The following DDX10 variants were observed in gnomAD, a reference collection of about 807,000 sequenced individuals.
DDX10 encodes the protein probable ATP-dependent RNA helicase DDX10.
Under a neutral mutation model 104.3 loss-of-function variants are expected in DDX10, and 74 were observed. That is an observed-to-expected ratio of 0.71 (90% CI 0.59 to 0.86). The LOEUF (loss-of-function observed/expected upper bound fraction) is 0.86, where lower values mean the gene tolerates loss of function less well. DDX10 is among the 40% of genes least tolerant of loss of function. The pLI, the probability that DDX10 is intolerant of heterozygous loss-of-function variation, is 0.00. For synonymous variants in DDX10, 351 were observed against 353.4 expected, an observed-to-expected ratio of 0.99 and a Z score of 0.08; for missense variants, 952 against 1,040.0, an observed-to-expected ratio of 0.92 and a Z score of 1.16.
At chr11:108,695,753 T>TTTAAGTG (rs1417326445) in intron 9 of DDX10, among the ~76,000 whole-genome samples, 2 of 149,252 alleles carry the variant, frequency 1.3e-5, no homozygotes, top group Non-Finnish European at 3.0e-5. Context: ...TGTATGAGTG[T>TTTAAGTG]TTAAGTGTTT....
intron 9 of DDX10, among the ~76,000 whole-genome samples, chr11:108,698,468 A>C (rs1176632651): frequency 6.6e-6 from 1 of 152,198 alleles, no homozygotes; most frequent in African/African-American, 2.4e-5. Flanking sequence ...TATGATTTAA[A>C]GGTTGCATAA....
At chr11:108,818,590 A>G (rs1862285162) in intron 13 of DDX10, among the ~76,000 whole-genome samples, 1 of 152,200 alleles carries the variant, frequency 6.6e-6, no homozygotes, top group African/African-American at 2.4e-5. Flanking sequence ...GTTGAAGAAA[A>G]TCTTTTATTA....
At position 108,925,398 on chromosome 11, in the gene DDX10, G is replaced by A. The variant is rs150808614; in HGVS notation, c.2450+7380G>A. On this transcript the variant is annotated intron_variant, in intron 17 of 17. Transcript: ENST00000322536. ...TGTGAGCCTGTCATTTTTCAGAAGC[G>A]CCAGGATCTCTAAGAAGGGTGAATA... Among the ~76,000 whole-genome samples the A allele has an allele frequency of 8.2e-3, 1,250 of 152,188 alleles. 15 individuals are homozygous for A. Among genetic ancestry groups the A allele is most frequent in the South Asian group, 0.012 (58 of 4,822 alleles).
chr11:108,896,875 A>G (rs949445867), intron 16 of DDX10, among the ~76,000 whole-genome samples: 2 of 152,132 alleles, frequency 1.3e-5, no homozygotes, highest in Non-Finnish European at 2.9e-5. Flanking sequence ...GGGGGAAAAA[A>G]AATCCCTGTA....
chr11:108,811,760 G>A (rs1157579917), intron 13 of DDX10, among the ~76,000 whole-genome samples: 2 of 151,852 alleles, frequency 1.3e-5, no homozygotes, highest in African/African-American at 2.4e-5. Flanking sequence ...GTCATTAACT[G>A]CCTACCAGTT....
intron 14 of DDX10, among the ~76,000 whole-genome samples, 154 bp downstream of exon 14, chr11:108,838,719 C>G (rs1440776076): frequency 6.6e-6 from 1 of 152,170 alleles, no homozygotes; most frequent in Non-Finnish European, 1.5e-5. Context: ...TGTACATCAG[C>G]TCTACTGCTG....
At chr11:108,858,686 C>A (rs368450088) in intron 16 of DDX10, among the ~76,000 whole-genome samples, 1 of 152,166 alleles carries the variant, frequency 6.6e-6, no homozygotes, top group Non-Finnish European at 1.5e-5. Context: ...GAATCCTTCA[C>A]GCATGCCTTA....
At chr11:108,711,520 G>A (rs572632010) in intron 10 of DDX10, among the ~76,000 whole-genome samples, 9 of 152,028 alleles carry the variant, frequency 5.9e-5, no homozygotes, top group South Asian at 2.1e-4. Context: ...TTTAGTAGAC[G>A]TGGGGTTTCG....
chr11:108,831,139 C>T (rs929439902), intron 13 of DDX10, among the ~76,000 whole-genome samples: 5 of 152,152 alleles, frequency 3.3e-5, no homozygotes, highest in African/African-American at 1.2e-4. Flanking sequence ...GGCATGGTGG[C>T]TTACGCCTGT....
chr11:108,735,792 G>C (rs1013696287), intron 13 of DDX10, among the ~76,000 whole-genome samples: 1 of 152,070 alleles, frequency 6.6e-6, no homozygotes, highest in African/African-American at 2.4e-5. Context: ...CTGAGAGCTA[G>C]GCACTCTAGG....
Position 108,701,675 on chromosome 11 carries a change from C to CTTTTTTTTTTTTT in DDX10, c.1224-5051_1224-5039dup, listed in dbSNP as rs55916940. 2.4e-3 allele frequency among the ~76,000 whole-genome samples: 186 copies of CTTTTTTTTTTTTT among 77,424 alleles called. 1 individual carries two copies. The highest frequency in any genetic ancestry group is 0.015 in the Middle Eastern group (1 of 68). The allele number at this position is 77,424 out of a possible 152,430, so 50.8% of individuals were successfully genotyped here. On this transcript the variant is annotated intron_variant, in intron 9 of 17. Transcript: ENST00000322536. ...GGTGTTTTTTCTTTCTTCTTCTTCTCTTTTTTTTTTTTTTTTTTTTTTTTT... is the reference window on the plus strand; with the variant it reads ...GGTGTTTTTTCTTTCTTCTTCTTCTCTTTTTTTTTTTTTTTTTTTTTTTTTTTTTTTTTTTTTT...
At chr11:108,750,520 C>T (rs2094337170) in intron 13 of DDX10, among the ~76,000 whole-genome samples, 2 of 152,078 alleles carry the variant, frequency 1.3e-5, no homozygotes, top group South Asian at 4.1e-4. Flanking sequence ...CACCCTCTTC[C>T]TCTTGTCACA....
At chr11:108,812,679 A>G (rs1461732791) in intron 13 of DDX10, among the ~76,000 whole-genome samples, 2 of 152,140 alleles carry the variant, frequency 1.3e-5, no homozygotes, top group Non-Finnish European at 2.9e-5. Context: ...AATAATAAAA[A>G]AGCCATAAAA....
intron 16 of DDX10, among the ~76,000 whole-genome samples, chr11:108,891,903 A>G (rs1364469098): frequency 6.6e-6 from 1 of 152,138 alleles, no homozygotes; most frequent in African/African-American, 2.4e-5. Context: ...TAAAATTAGC[A>G]AAGATGAGTT....
chr11:108,791,652 A>C (rs1216279542), intron 13 of DDX10, among the ~76,000 whole-genome samples: 1 of 152,166 alleles, frequency 6.6e-6, no homozygotes, highest in Non-Finnish European at 1.5e-5. Flanking sequence ...ACTGACAGAA[A>C]GCTAATGTGC....
intron 13 of DDX10, among the ~76,000 whole-genome samples, chr11:108,754,380 T>C (rs2134508374): frequency 6.6e-6 from 1 of 152,194 alleles, no homozygotes; most frequent in Non-Finnish European, 1.5e-5. Context: ...ATGTTGATAG[T>C]GTCAAGTTTA....
intron 13 of DDX10, among the ~76,000 whole-genome samples, chr11:108,800,942 GTTGT>G (rs1862012229): frequency 6.6e-6 from 1 of 152,160 alleles, no homozygotes; most frequent in Admixed American, 6.5e-5. Flanking sequence ...CATATTGGTT[GTTGT>G]TTATTATCTG....
chr11:108,831,051 G>T (rs1479035502), intron 13 of DDX10, among the ~76,000 whole-genome samples: 8 of 152,100 alleles, frequency 5.3e-5, no homozygotes, highest in Non-Finnish European at 1.2e-4. Context: ...TTAGCCAATA[G>T]AAATGTGTAT....
At chr11:108,823,845 A>G (rs1565289810) in intron 13 of DDX10, among the ~76,000 whole-genome samples, 1 of 152,346 alleles carries the variant, frequency 6.6e-6, no homozygotes, top group South Asian at 2.1e-4. Flanking sequence ...CAAATGTACA[A>G]TGAAACATCT....
Sources: gnomAD v4.1 joint callset for allele counts (sites outside exome capture counted in the v4.1 genomes callset) on GRCh38, gnomAD v4.1.1 for gene constraint, MANE v1.5 for transcripts, NCBI Gene and HGNC (gene_info 2026-07-23, HGNC 2026-07-21) for gene names.